GPS1: variants seen among roughly 807,000 people sequenced by gnomAD.
The protein encoded by GPS1 is COP9 signalosome complex subunit 1.
GPS1 carries 11 observed loss-of-function variants against 60.0 expected under a neutral mutation model. That is an observed-to-expected ratio of 0.18 (90% CI 0.12 to 0.30). The LOEUF is 0.30. Ranked by LOEUF, GPS1 falls within the 10% of genes least tolerant of loss-of-function variation. GPS1 has a pLI of 1.00. For synonymous variants in GPS1, 343 were observed against 269.8 expected, an observed-to-expected ratio of 1.27 and a Z score of -2.66; for missense variants, 543 against 669.2, an observed-to-expected ratio of 0.81 and a Z score of 2.08.
chr17:82,053,165 C>G lies in GPS1; in HGVS notation c.34-109C>G, dbSNP rs2144397000. On this transcript the variant is annotated intron_variant, in intron 1 of 12. Transcript: ENST00000578552. Reference sequence around the variant, plus strand: ...CAGCAGCGGCGGGAGTGTGGTCCGACTGGCCTGGAAGATCTTGGGCAGAGC... The same window carrying G: ...CAGCAGCGGCGGGAGTGTGGTCCGAGTGGCCTGGAAGATCTTGGGCAGAGC... 4 of 839,404 alleles carry G rather than the reference C, an allele frequency of 4.8e-6. No homozygotes were observed. In the East Asian group the frequency reaches 1.3e-4, roughly 28 times the overall value. The allele number at this position is 839,404 out of a possible 1,614,324, so 52.0% of individuals were successfully genotyped here.
upstream of GPS1, chr17:82,051,133 G>GCCCT: frequency 7.6e-7 from 1 of 1,323,486 alleles, no homozygotes; most frequent in Non-Finnish European, 9.6e-7. The surrounding 1 kb of genome is among the most constrained non-coding windows in gnomAD (Gnocchi z 4.1). Context: ...GGCAGGGTGG[G>GCCCT]CCCTCCGCAG....
Position 82,053,894 on chromosome 17 carries a change from C to T in GPS1, c.153C>T (p.Tyr51=), listed in dbSNP as rs777938390. ...SLDLEQYAAS[Y]SGLMRIERLQ... ...ATCTGGAACAGTACGCGGCCAGCTA[C>T]AGCGGCCTGATGCGCATCGAACGGC... The change falls in exon 3 of 13, where the codon TAC becomes TAT. Residue 51 remains tyrosine (Y), a synonymous_variant. Transcript: ENST00000578552. 8.7e-6 allele frequency: 14 copies of T among 1,611,844 alleles called. No individual in the cohort carries two copies. The highest frequency in any genetic ancestry group is 2.7e-5 in the African/African-American group (2 of 74,938).
intron 8 of GPS1, 91 bp from the exon 9 acceptor site, chr17:82,056,195 C>T: frequency 1.5e-6 from 2 of 1,375,700 alleles, no homozygotes; most frequent in Middle Eastern, 1.9e-4. Flanking sequence ...CCAGCGTTTT[C>T]TCAGGTGTTT....
intron 6 of GPS1, 48 bp downstream of exon 6, chr17:82,055,270 A>G (rs779466369): frequency 1.3e-6 from 2 of 1,532,208 alleles, no homozygotes; most frequent in Non-Finnish European, 1.8e-6. Flanking sequence ...CCCTGTTGCT[A>G]AGTCCTCCCA....
chr17:82,055,714 T>TCCCCCCCCCCCCCC, intron 6 of GPS1, 26 bp from the exon 7 acceptor site: 1 of 612,340 alleles, frequency 1.6e-6, no homozygotes, highest in Non-Finnish European at 2.8e-6. Context: ...CTCTCCCCCC[T>TCCCCCCCCCCCCCC]CCCCGCCCCC....
At chr17:82,051,432 G>A (rs1318811898), upstream of GPS1, 4 of 1,346,742 alleles carry the variant, frequency 3.0e-6, no homozygotes, top group East Asian at 9.3e-5. This position sits in a 1 kb window ranked among gnomAD's most constrained non-coding sequence, Gnocchi z 4.1. Flanking sequence ...GGCCTGGGCC[G>A]GGCCTAGACC....
At chr17:82,052,350 C>G in intron 1 of GPS1, 1 of 1,612,854 alleles carries the variant, frequency 6.2e-7, no homozygotes. Context: ...TCGTCAGTGA[C>G]AGATCTGTAC....
rs1568067374 is a variant in GPS1 at position 82,056,410 on chromosome 17, AG to A, written c.1035+23del. 6.2e-7 allele frequency: 1 copy of A among 1,603,720 alleles called. No homozygotes were observed. Among genetic ancestry groups the A allele is most frequent in the Admixed American group, 1.7e-5 (1 of 59,948 alleles). Reference sequence around the variant, plus strand: ...GATGAAGGTGGGCCCCGCCTGGGGTAGGGGTGAGGTGGGGCCCTGCCTGGCC... The same window carrying A: ...GATGAAGGTGGGCCCCGCCTGGGGTAGGGTGAGGTGGGGCCCTGCCTGGCC... On this transcript the variant is annotated intron_variant, in intron 9 of 12. Coordinates refer to ENST00000578552, the MANE Select transcript of GPS1 (RefSeq NM_001321092.3).
intron 1 of GPS1, chr17:82,052,473 C>T (rs1257108212): frequency 1.2e-6 from 2 of 1,606,130 alleles, no homozygotes; most frequent in South Asian, 1.1e-5. Context: ...CCTTCCAGGA[C>T]AGGGACCCCC....
Position 82,054,756 on chromosome 17 carries a change from G to C in GPS1, c.555G>C (p.Arg185=), listed in dbSNP as rs769965931. ...CCCTCAAGTGCTATTCCCGGGCCCGGGACTACTGCACCAGCGCCAAACACG... is the reference window on the plus strand; with the variant it reads ...CCCTCAAGTGCTATTCCCGGGCCCGCGACTACTGCACCAGCGCCAAACACG... ...SNALKCYSRA[R]DYCTSAKHVI... Residue 185 remains arginine, a synonymous_variant, in exon 4 of 13, where the codon CGG becomes CGC. Coordinates refer to ENST00000578552, the MANE Select transcript of GPS1 (RefSeq NM_001321092.3). 1 of 1,611,328 alleles carries C rather than the reference G, an allele frequency of 6.2e-7. No homozygotes were observed. The highest frequency in any genetic ancestry group is 8.5e-7 in the Non-Finnish European group (1 of 1,179,348).
chr17:82,053,848 T>A lies in GPS1; in HGVS notation c.127-20T>A, dbSNP rs1288388014. On this transcript the variant is annotated intron_variant, in intron 2 of 12. Transcript: ENST00000578552. ...TCCTGCCTCCCATCCTGCCTGACTC[T>A]TGTCTGTGCCTGCTCCCAGGATCTG... 33 of 1,595,448 alleles carry A rather than the reference T, an allele frequency of 2.1e-5. No homozygotes were observed. Among genetic ancestry groups the A allele is most frequent in the Non-Finnish European group, 2.8e-5 (33 of 1,170,650 alleles).
chr17:82,053,842 T>C (rs771016489), intron 2 of GPS1, 26 bp from the exon 3 acceptor site: 2 of 1,591,074 alleles, frequency 1.3e-6, no homozygotes, highest in Middle Eastern at 2.1e-4. Context: ...CCATCCTGCC[T>C]GACTCTTGTC....
chr17:82,055,198 C>G lies in GPS1; in HGVS notation c.724C>G (p.Leu242Val). The change falls in exon 6 of 13, where the codon CTC (leucine) becomes GTC (valine). Residue 242 changes from leucine (L) to valine (V), a missense_variant. This residue lies in a region of GPS1 where 291 missense variants were observed against 353.7 expected (regional missense o/e 0.82). Coordinates refer to ENST00000578552, the MANE Select transcript of GPS1 (RefSeq NM_001321092.3). ...GERDSQTQAILTKLKCAAGLA... is the reference protein window; with the variant it reads ...GERDSQTQAIVTKLKCAAGLA... ...GCGTGACAGCCAGACCCAGGCCATC[C>G]TCACCAAGCTCAAGTGTGCCGCAGG... 1 of 1,558,666 alleles carries G rather than the reference C, an allele frequency of 6.4e-7. No homozygotes were observed. The highest frequency in any genetic ancestry group is 8.7e-7 in the Non-Finnish European group (1 of 1,151,528).
chr17:82,053,903 G>T lies in GPS1; in HGVS notation c.162G>T (p.Leu54=), dbSNP rs367610157. ...AGTACGCGGCCAGCTACAGCGGCCT[G>T]ATGCGCATCGAACGGCTGCAGTTCA... ...LEQYAASYSG[L]MRIERLQFIA... Residue 54 remains leucine, a synonymous_variant, in exon 3 of 13, where the codon CTG becomes CTT. Transcript: ENST00000578552. 11 of 1,612,524 alleles carry T rather than the reference G, an allele frequency of 6.8e-6. No individual in the cohort carries two copies. Among genetic ancestry groups the T allele is most frequent in the Middle Eastern group, 3.4e-4 (2 of 5,924 alleles).
upstream of GPS1, chr17:82,051,549 G>C: frequency 2.1e-6 from 3 of 1,398,380 alleles, no homozygotes; most frequent in Admixed American, 3.0e-5. The surrounding 1 kb of genome is among the most constrained non-coding windows in gnomAD (Gnocchi z 4.1). Flanking sequence ...CCGCAGGCGC[G>C]GCCCGTGGTT....
Position 82,053,955 on chromosome 17 carries a change from G to A in GPS1, c.214G>A (p.Val72Met). 6.2e-7 allele frequency: 1 copy of A among 1,612,944 alleles called. No individual in the cohort carries two copies. Among genetic ancestry groups the A allele is most frequent in the South Asian group, 1.1e-5 (1 of 91,070 alleles). The change falls in exon 3 of 13, where the codon GTG (valine) becomes ATG (methionine). Residue 72 changes from valine to methionine, a missense_variant. Physicochemically the swap from Val to Met is conservative, Grantham distance 21. This residue lies in a region of GPS1 where 181 missense variants were observed against 188.8 expected (regional missense o/e 0.96). Transcript: ENST00000578552. ...FIADHCPTLR[V>M]EALKMALSFV... is the part of the protein sequence containing the mutation. ...TGCTGATCACTGCCCCACGCTGCGG[G>A]TGGAGGCCCTGAAGATGGCCCTCTC...
At chr17:82,051,279 G>T (rs554307013), upstream of GPS1, 1,554 of 1,370,132 alleles carry the variant, frequency 1.1e-3, 2 homozygotes, top group Non-Finnish European at 1.3e-3. This position sits in a 1 kb window ranked among gnomAD's most constrained non-coding sequence, Gnocchi z 4.1. Context: ...GCGCCGGGGA[G>T]TGGGGGACAC....
chr17:82,051,674 G>A, upstream of GPS1: 2 of 997,574 alleles, frequency 2.0e-6, no homozygotes, highest in Non-Finnish European at 2.4e-6. The surrounding 1 kb of genome is among the most constrained non-coding windows in gnomAD (Gnocchi z 4.1). Context: ...GGGCGGGCGC[G>A]CGGGGCAGCG....
chr17:82,052,969 T>C lies in GPS1; in HGVS notation c.34-305T>C, dbSNP rs114363297. On this transcript the variant is annotated intron_variant, in intron 1 of 12. Coordinates refer to ENST00000578552, the MANE Select transcript of GPS1 (RefSeq NM_001321092.3). ...GTGTAGGGGCCCTCAGAGGCCCCTG[T>C]GTAGTTGGTTGTCCCCTGTCTGCTT... The C allele has an allele frequency of 2.3e-3, 604 of 265,800 alleles. 2 individuals are homozygous for C. The highest frequency in any genetic ancestry group is 0.013 in the African/African-American group (572 of 44,674). The allele number at this position is 265,800 out of a possible 1,614,324, so 16.5% of individuals were successfully genotyped here. A position where few individuals can be genotyped will look rare whatever the true frequency, so the allele number is the denominator to read the frequency against.
Sources: allele counts gnomAD v4.1 joint callset, GRCh38; gene constraint gnomAD v4.1.1; regional missense constraint gnomAD v4.1.1; non-coding constraint Gnocchi (gnomAD v3.1); transcripts MANE v1.5; gene names NCBI Gene and HGNC (gene_info 2026-07-23, HGNC 2026-07-21).